The following CNOT4 variants were observed in gnomAD, a reference collection of about 807,000 sequenced individuals.
CNOT4 encodes the protein CCR4-NOT transcription complex subunit 4.
In CNOT4, 8 loss-of-function variants were observed where a neutral mutation model predicts 73.8. That is an observed-to-expected ratio of 0.11 (90% CI 0.06 to 0.20). The LOEUF is 0.20. Among genes scored for constraint, CNOT4 ranks in the 10% least tolerant of loss-of-function variants. The pLI is 1.00. For synonymous variants in CNOT4, 293 were observed against 321.1 expected (o/e 0.91, Z 0.94); for missense variants, 564 against 883.4 (o/e 0.64, Z 4.58).
At chr7:135,437,631 G>GGGA (rs1334840974) in intron 2 of CNOT4, among the ~76,000 whole-genome samples, 3 of 152,118 alleles carry the variant, frequency 2.0e-5, no homozygotes, top group African/African-American at 7.2e-5. Flanking sequence ...AGTGTAAAAT[G>GGGA]GGAATATCAA....
chr7:135,398,716 G>C (rs930985902), intron 7 of CNOT4, among the ~76,000 whole-genome samples: 2 of 151,878 alleles, frequency 1.3e-5, no homozygotes, highest in East Asian at 3.9e-4. Flanking sequence ...AGCTTATAGG[G>C]GGAAAAAAGG....
chr7:135,389,066 T>C (rs1288727214), intron 10 of CNOT4, among the ~76,000 whole-genome samples: 1 of 151,572 alleles, frequency 6.6e-6, no homozygotes, highest in Non-Finnish European at 1.5e-5. Flanking sequence ...TATCAAGTAC[T>C]TGGAAAGTAG....
At chr7:135,456,683 T>C (rs1194363481) in intron 1 of CNOT4, among the ~76,000 whole-genome samples, 5 of 152,102 alleles carry the variant, frequency 3.3e-5, no homozygotes, top group African/African-American at 9.6e-5. Flanking sequence ...AGATTACTTA[T>C]AACTCGGTAA....
intron 1 of CNOT4, among the ~76,000 whole-genome samples, chr7:135,501,229 C>G (rs1395090304): frequency 6.6e-6 from 1 of 152,130 alleles, no homozygotes; most frequent in Non-Finnish European, 1.5e-5. Flanking sequence ...AAGCAATCCT[C>G]CCACCTCAGC....
chr7:135,409,496 G>C (rs1339642995), intron 7 of CNOT4, among the ~76,000 whole-genome samples: 2 of 151,982 alleles, frequency 1.3e-5, no homozygotes, highest in Admixed American at 1.3e-4. Flanking sequence ...CTCTTAAAAT[G>C]AATAAACACA....
At chr7:135,442,663 A>C (rs1799557923) in intron 1 of CNOT4, among the ~76,000 whole-genome samples, 1 of 152,234 alleles carries the variant, frequency 6.6e-6, no homozygotes, top group Admixed American at 6.5e-5. Context: ...AAAATGTTAC[A>C]AGACATAGAA....
At chr7:135,464,886 A>G (rs574384660) in intron 1 of CNOT4, among the ~76,000 whole-genome samples, 2 of 152,150 alleles carry the variant, frequency 1.3e-5, no homozygotes, top group Non-Finnish European at 2.9e-5. Flanking sequence ...AGTGTTTAGT[A>G]ATGACCAGAA....
At chr7:135,498,354 A>G (rs1803730861) in intron 1 of CNOT4, among the ~76,000 whole-genome samples, 1 of 152,214 alleles carries the variant, frequency 6.6e-6, no homozygotes, top group South Asian at 2.1e-4. Context: ...ACCACAATCT[A>G]CAAACATGAA....
intron 1 of CNOT4, among the ~76,000 whole-genome samples, chr7:135,495,682 AAAAAAAAAAAAGAAAGAAAGAAAG>A (rs1803461968): frequency 1.4e-4 from 14 of 98,258 alleles, no homozygotes; most frequent in East Asian, 9.1e-4. Context: ...AAAAAAAAAA[AAAAAAAAAAAAGAAAGAAAGAAAG>A]AAAGAAAGAA....
intron 1 of CNOT4, among the ~76,000 whole-genome samples, chr7:135,457,465 T>C (rs1800615432): frequency 6.6e-6 from 1 of 152,084 alleles, no homozygotes; most frequent in South Asian, 2.1e-4. Flanking sequence ...TTGTAAGGGA[T>C]ATACCTTAAA....
chr7:135,495,504 C>CAAA (rs150007748), intron 1 of CNOT4, among the ~76,000 whole-genome samples: 74 of 54,668 alleles, frequency 1.4e-3, no homozygotes, highest in Non-Finnish European at 1.7e-3. Context: ...GACTCTGCCT[C>CAAA]AAAAAAAAAA....
At chr7:135,434,984 T>C (rs989332957) in intron 2 of CNOT4, among the ~76,000 whole-genome samples, 4 of 152,194 alleles carry the variant, frequency 2.6e-5, no homozygotes, top group African/African-American at 9.7e-5. Flanking sequence ...CCTTTACATA[T>C]TAATAAAATT....
intron 2 of CNOT4, among the ~76,000 whole-genome samples, chr7:135,436,422 G>A (rs1012608389): frequency 9.2e-5 from 14 of 151,752 alleles, no homozygotes; most frequent in Non-Finnish European, 1.9e-4. Flanking sequence ...AGAGTCTTGG[G>A]CAATCCTGAA....
At chr7:135,407,781 C>T (rs571854219) in intron 7 of CNOT4, among the ~76,000 whole-genome samples, 11 of 152,292 alleles carry the variant, frequency 7.2e-5, no homozygotes, top group Admixed American at 6.5e-4. Flanking sequence ...CTGTCTCAGC[C>T]TCATGAAGTT....
intron 2 of CNOT4, among the ~76,000 whole-genome samples, chr7:135,430,196 C>A (rs1798733628): frequency 6.6e-6 from 1 of 152,036 alleles, no homozygotes; most frequent in Non-Finnish European, 1.5e-5. Flanking sequence ...TCCTTTGATA[C>A]CAAAACTGAA....
intron 1 of CNOT4, among the ~76,000 whole-genome samples, chr7:135,497,320 A>G (rs953783534): frequency 1.3e-5 from 2 of 152,002 alleles, no homozygotes; most frequent in Non-Finnish European, 2.9e-5. Context: ...AAGGTAGGAG[A>G]ATTGCTTGAA....
chr7:135,449,058 G>A (rs1230506898), intron 1 of CNOT4, among the ~76,000 whole-genome samples: 3 of 152,132 alleles, frequency 2.0e-5, no homozygotes, highest in Non-Finnish European at 2.9e-5. Flanking sequence ...AATGATGACT[G>A]TATAAAAATG....
At chr7:135,462,091 T>G (rs1800912003) in intron 1 of CNOT4, among the ~76,000 whole-genome samples, 2 of 151,370 alleles carry the variant, frequency 1.3e-5, no homozygotes, top group Admixed American at 1.3e-4. Context: ...AAGCAAACAA[T>G]GTTTGAACAG....
chr7:135,418,360 G>T (rs1047371770), intron 3 of CNOT4, among the ~76,000 whole-genome samples: 2 of 152,140 alleles, frequency 1.3e-5, no homozygotes, highest in African/African-American at 4.8e-5. Flanking sequence ...TCAATATCAC[G>T]ATGTCCTTCA....
Sources: allele counts gnomAD v4.1 joint callset (sites outside exome capture counted in the v4.1 genomes callset), GRCh38; gene constraint gnomAD v4.1.1; transcripts MANE v1.5; gene names NCBI Gene and HGNC (gene_info 2026-07-23, HGNC 2026-07-21).